HRH4: variants seen among roughly 807,000 people sequenced by gnomAD.
HRH4 encodes the protein histamine receptor H4, also known as histamine H4 receptor.
Under a neutral mutation model 10.4 loss-of-function variants are expected in HRH4, and 12 were observed. The observed-to-expected ratio is 1.15, with a 90% CI of 0.74 to 1.87. HRH4 has a LOEUF of 1.87. Among genes scored for constraint, HRH4 ranks in the 40% most tolerant of loss-of-function variants. HRH4 has a pLI of 0.00. For synonymous variants in HRH4, 154 were observed against 166.6 expected (o/e 0.92, Z 0.58); for missense variants, 415 against 453.3 (o/e 0.92, Z 0.77).
In HRH4 at chr18:24,476,756, A is replaced by G. The variant is rs763378382; in HGVS notation, c.367A>G (p.Arg123Gly). Residue 123 changes from arginine to glycine, a missense_variant, in exon 3 of 3, where the codon AGA (arginine) becomes GGA (glycine). Coordinates refer to ENST00000256906, the MANE Select transcript of HRH4 (RefSeq NM_021624.4). Reference sequence around the variant, plus strand: ...ATTTGGTTTCTTCTAGGTGTCTTATAGAACTCAACATACTGGGGTCTTGAA... The same window carrying G: ...ATTTGGTTTCTTCTAGGTGTCTTATGGAACTCAACATACTGGGGTCTTGAA... ...YLSVSNAVSY[R>G]TQHTGVLKIV... 4 of 1,612,668 alleles carry G rather than the reference A, an allele frequency of 2.5e-6. No homozygotes were observed. The African/African-American group carries it at 5.3e-5, about 22-fold the overall frequency.
Position 24,468,347 on chromosome 18 carries a change from C to T in HRH4, c.194-441C>T, listed in dbSNP as rs565605095. Among the ~76,000 whole-genome samples, 30 of 152,248 alleles carry T rather than the reference C, an allele frequency of 2.0e-4. No individual in the cohort carries two copies. In the South Asian group the frequency reaches 3.7e-3, roughly 19 times the overall value. ...GTGAGTTACCACGCCCGGCCCCTCC[C>T]GTATACTTTAAATCATCAGTAGATT... is the stretch of plus-strand genomic sequence containing the variant. On this transcript the variant is annotated intron_variant, in intron 1 of 2. Coordinates refer to ENST00000256906, the MANE Select transcript of HRH4 (RefSeq NM_021624.4).
At chr18:24,472,197 CAGCGCGCT>C (rs1909988433) in intron 2 of HRH4, among the ~76,000 whole-genome samples, 1 of 152,180 alleles carries the variant, frequency 6.6e-6, no homozygotes, top group Non-Finnish European at 1.5e-5. Context: ...AGGCGCGTGC[CAGCGCGCT>C]TGGCCAATTT....
intron 1 of HRH4, among the ~76,000 whole-genome samples, chr18:24,464,265 T>C (rs1322843658): frequency 1.3e-5 from 2 of 152,186 alleles, no homozygotes; most frequent in Non-Finnish European, 2.9e-5. Context: ...AGGGCTGTCT[T>C]TCTGGCTTGC....
In HRH4 at chr18:24,460,747, A is replaced by G. The variant is rs1909611005; in HGVS notation, c.19A>G (p.Thr7Ala). 1 of 1,522,310 alleles carries G rather than the reference A, an allele frequency of 6.6e-7. No homozygotes were observed. Among genetic ancestry groups the G allele is most frequent in the African/African-American group, 1.4e-5 (1 of 73,436 alleles). 94.3% of individuals were successfully genotyped at this position (1,522,310 alleles called of 1,614,324 possible). The change falls in exon 1 of 3, where the codon ACA (threonine) becomes GCA (alanine). Residue 7 changes from threonine (T) to alanine (A), a missense_variant. Thr to Ala is a moderately conservative substitution (Grantham distance 58). Coordinates refer to ENST00000256906, the MANE Select transcript of HRH4 (RefSeq NM_021624.4). MPDTNS[T>A]INLSLSTRVT... ...TGATGTGATGCCAGATACTAATAGC[A>G]CAATCAATTTATCACTAAGCACTCG...
At chr18:24,469,169 A>G (rs1477625197) in intron 2 of HRH4, among the ~76,000 whole-genome samples, 1 of 152,218 alleles carries the variant, frequency 6.6e-6, no homozygotes, top group South Asian at 2.1e-4. Context: ...GGAAGGAATC[A>G]AAGAAAACCC....
At chr18:24,471,044 T>G (rs928615224) in intron 2 of HRH4, among the ~76,000 whole-genome samples, 2 of 151,716 alleles carry the variant, frequency 1.3e-5, no homozygotes, top group African/African-American at 4.8e-5. Context: ...GAAACTCTAG[T>G]CGAGCCACCA....
At chr18:24,466,487 A>C (rs553543202) in intron 1 of HRH4, among the ~76,000 whole-genome samples, 1 of 152,204 alleles carries the variant, frequency 6.6e-6, no homozygotes, top group South Asian at 2.1e-4. Flanking sequence ...ACCCTAAGGA[A>C]GTTTACTTAT....
At chr18:24,475,125 AGGATTGT>A (rs1910102204) in intron 2 of HRH4, among the ~76,000 whole-genome samples, 1 of 152,190 alleles carries the variant, frequency 6.6e-6, no homozygotes, top group South Asian at 2.1e-4. Context: ...GATTGACATA[AGGATTGT>A]GGGTCCTGTG....
At chr18:24,468,004 T>C (rs938061148) in intron 1 of HRH4, among the ~76,000 whole-genome samples, 1 of 152,136 alleles carries the variant, frequency 6.6e-6, no homozygotes, top group African/African-American at 2.4e-5. Context: ...TTATGCTGCC[T>C]GTGGCTAGAA....
chr18:24,471,904 C>A (rs1257075255), intron 2 of HRH4, among the ~76,000 whole-genome samples: 1 of 152,072 alleles, frequency 6.6e-6, no homozygotes, highest in Non-Finnish European at 1.5e-5. Context: ...CTAGATGTCC[C>A]AGCTTTTGAA....
At chr18:24,470,864 C>A (rs1909922528) in intron 2 of HRH4, among the ~76,000 whole-genome samples, 1 of 148,976 alleles carries the variant, frequency 6.7e-6, no homozygotes, top group Non-Finnish European at 1.5e-5. Flanking sequence ...TCCTCCTCTG[C>A]ATGGCCAAAG....
At chr18:24,469,001 A>C in intron 2 of HRH4, 50 bp downstream of exon 2, 1 of 1,452,514 alleles carries the variant, frequency 6.9e-7, no homozygotes, top group Non-Finnish European at 9.3e-7. Flanking sequence ...GTAAATGTAT[A>C]TGATGGGTCC....
intron 2 of HRH4, among the ~76,000 whole-genome samples, chr18:24,470,661 G>C (rs567201698): frequency 6.6e-6 from 1 of 151,502 alleles, no homozygotes. Context: ...ATGCCACCAT[G>C]CCTGGCTAAT....
In HRH4 at chr18:24,460,822, G is replaced by T; in HGVS notation, c.94G>T (p.Gly32Ter). Reference sequence around the variant, plus strand: ...CTTAGTAGCTTTTGCTATAATGCTAGGAAATGCTTTGGTCATTTTAGCTTT... The same window carrying T: ...CTTAGTAGCTTTTGCTATAATGCTATGAAATGCTTTGGTCATTTTAGCTTT... ...MSLVAFAIML[G>*]NALVILAFVV... The change falls in exon 1 of 3, where the codon GGA becomes TGA. Residue 32 changes from glycine (G) to a stop codon, truncating the protein, a stop_gained. Transcript: ENST00000256906. LOFTEE classifies it high-confidence loss of function. The T allele has an allele frequency of 6.3e-7, 1 of 1,588,680 alleles. No individual in the cohort carries two copies. The highest frequency in any genetic ancestry group is 8.6e-7 in the Non-Finnish European group (1 of 1,162,072).
Position 24,478,108 on chromosome 18 carries a change from G to C in HRH4, c.*546G>C, listed in dbSNP as rs1163003649. The C allele has an allele frequency of 1.3e-5, 2 of 152,458 alleles. No individual in the cohort carries two copies. Among genetic ancestry groups the C allele is most frequent in the East Asian group, 3.8e-4 (2 of 5,196 alleles). 9.4% of individuals were successfully genotyped at this position (152,458 alleles called of 1,614,324 possible). A position where few individuals can be genotyped will look rare whatever the true frequency, so the allele number is the denominator to read the frequency against. ...CAGTAAGGAAGAAAGCGTAGTGTGG[G>C]AGAGGAGAGAGCTGATGACTGCAGT... is the stretch of plus-strand genomic sequence containing the variant. On this transcript the variant is annotated 3_prime_UTR_variant, in exon 3 of 3. Transcript: ENST00000256906.
intron 2 of HRH4, among the ~76,000 whole-genome samples, chr18:24,475,414 AG>A (rs1340801589): frequency 1.3e-5 from 2 of 152,332 alleles, no homozygotes; most frequent in East Asian, 3.9e-4. Context: ...ACTTGAATCT[AG>A]GAGTTCGAGA....
chr18:24,465,799 C>T (rs921605286), intron 1 of HRH4, among the ~76,000 whole-genome samples: 7 of 152,172 alleles, frequency 4.6e-5, no homozygotes, highest in African/African-American at 1.7e-4. Flanking sequence ...AGCCTGTCTT[C>T]AGCTAACCAC....
At chr18:24,470,118 TGGA>T (rs1909894489) in intron 2 of HRH4, among the ~76,000 whole-genome samples, 1 of 152,130 alleles carries the variant, frequency 6.6e-6, no homozygotes, top group Non-Finnish European at 1.5e-5. Flanking sequence ...TTGACAGGAT[TGGA>T]AGGTGTATTA....
At chr18:24,462,653 C>T (rs1293898969) in intron 1 of HRH4, among the ~76,000 whole-genome samples, 1 of 152,108 alleles carries the variant, frequency 6.6e-6, no homozygotes, top group Non-Finnish European at 1.5e-5. Flanking sequence ...TGATGTTGCA[C>T]TGAAAGTTCT....
Sources: allele counts gnomAD v4.1 joint callset (sites outside exome capture counted in the v4.1 genomes callset), GRCh38; gene constraint gnomAD v4.1.1; transcripts MANE v1.5; gene names NCBI Gene and HGNC (gene_info 2026-07-23, HGNC 2026-07-21).